Variants in GK observed in about 807,000 individuals in gnomAD.
GK encodes ATP:glycerol 3-phosphotransferase.
GK carries 9 observed loss-of-function variants against 56.4 expected under a neutral mutation model. The observed-to-expected ratio is 0.16, with a 90% CI of 0.10 to 0.28. GK has a LOEUF of 0.28. Among genes scored for constraint, GK ranks in the 10% least tolerant of loss-of-function variants. GK has a pLI of 1.00. For missense variants in GK, 161 were observed against 431.4 expected, an observed-to-expected ratio of 0.37 and a Z score of 5.55; for synonymous variants, 104 against 144.1, an observed-to-expected ratio of 0.72 and a Z score of 1.99.
intron 19 of GK, among the ~76,000 whole-genome samples, chrX:30,724,912 G>A (rs190855402): frequency 4.7e-5 from 5 of 107,153 alleles, no homozygotes; most frequent in East Asian, 2.9e-4. Context: ...ACAGAGTCTC[G>A]CTCCGTCACC....
intron 4 of GK, among the ~76,000 whole-genome samples, chrX:30,684,588 C>T (rs1934474692): frequency 1.0e-5 from 1 of 100,198 alleles, no homozygotes; most frequent in East Asian, 3.2e-4. Flanking sequence ...ATCGCTTGAA[C>T]CCGGGAGGCG....
intron 20 of GK, among the ~76,000 whole-genome samples, chrX:30,727,852 AGACT>A (rs1937206347): frequency 8.9e-6 from 1 of 111,867 alleles, no homozygotes; most frequent in Non-Finnish European, 1.9e-5. Context: ...AAGGACTTTC[AGACT>A]GACTGCTGAA....
intron 11 of GK, among the ~76,000 whole-genome samples, chrX:30,704,149 T>TA (rs1429695034): frequency 1.0e-5 from 1 of 96,716 alleles, no homozygotes; most frequent in African/African-American, 4.3e-5. Context: ...TATATATATA[T>TA]GAGATAGGGT....
At chrX:30,726,683 T>C (rs1200392196) in intron 19 of GK, among the ~76,000 whole-genome samples, 3 of 111,873 alleles carry the variant, frequency 2.7e-5, no homozygotes, top group Admixed American at 1.9e-4. Flanking sequence ...AGTAATAAAA[T>C]GCTAGTTGTA....
chrX:30,655,389 A>G (rs1932186564), intron 1 of GK, among the ~76,000 whole-genome samples: 1 of 110,638 alleles, frequency 9.0e-6, no homozygotes, highest in Non-Finnish European at 1.9e-5. Context: ...TGCAGGGACC[A>G]GGCAGGTAGA....
Position 30,707,884 on chromosome X carries a change from C to T in GK, c.895-170C>T, listed in dbSNP as rs187669587. Among the ~76,000 whole-genome samples the T allele has an allele frequency of 4.7e-3, 522 of 111,923 alleles. 1 individual carries two copies. The highest frequency in any genetic ancestry group is 7.8e-3 in the Non-Finnish European group (414 of 53,152). ...TGAAACAAGGAATAAACTTTTTATA[C>T]AGCTTAAATGTGTTCTTAATTCTGA... On this transcript the variant is annotated intron_variant, in intron 12 of 20. Coordinates refer to ENST00000427190, the MANE Select transcript of GK (RefSeq NM_001205019.2).
intron 4 of GK, among the ~76,000 whole-genome samples, chrX:30,679,119 AGCTAACTTCCTGAACTAGT>A (rs1934123850): frequency 9.0e-6 from 1 of 110,893 alleles, no homozygotes; most frequent in Admixed American, 9.7e-5. Flanking sequence ...GATCAATGTT[AGCTAACTTCCTGAACTAGT>A]TAAGGTTTTA....
intron 6 of GK, 123 bp downstream of exon 6, chrX:30,694,660 T>A: frequency 1.7e-6 from 1 of 573,221 alleles, no homozygotes; most frequent in Admixed American, 3.4e-5. Context: ...GAAAAACCAC[T>A]CAAAAAGCAA....
intron 1 of GK, among the ~76,000 whole-genome samples, chrX:30,655,446 G>A (rs1198687231): frequency 8.9e-6 from 1 of 111,913 alleles, no homozygotes; most frequent in Non-Finnish European, 1.9e-5. Flanking sequence ...GGGACAGCTA[G>A]TAGCTGCCAA....
Position 30,724,884 on chromosome X carries a change from CT to C in GK, c.1582+717del, listed in dbSNP as rs1316640340. On this transcript the variant is annotated intron_variant, in intron 19 of 20. Coordinates refer to ENST00000427190, the MANE Select transcript of GK (RefSeq NM_001205019.2). The stretch of plus-strand genomic sequence containing the variant: ...GGCAGATAATTTATTGAAGCATATA[CT>C]TTTTTTTTTTTTTGAGACAGAGTCT... 1.8e-3 allele frequency among the ~76,000 whole-genome samples: 182 copies of C among 102,731 alleles called. 1 individual carries two copies. The highest frequency in any genetic ancestry group is 7.2e-3 in the South Asian group (17 of 2,357). 89.2% of individuals were successfully genotyped at this position (102,731 alleles called of 115,157 possible). A position where few individuals can be genotyped will look rare whatever the true frequency, so the allele number is the denominator to read the frequency against.
At chrX:30,688,451 G>A (rs1458527902) in intron 4 of GK, among the ~76,000 whole-genome samples, 2 of 101,154 alleles carry the variant, frequency 2.0e-5, no homozygotes, top group Non-Finnish European at 4.0e-5. Flanking sequence ...GCAGTGAGCC[G>A]CGATCGCATC....
At chrX:30,695,599 G>A (rs763392882) in intron 6 of GK, among the ~76,000 whole-genome samples, 6 of 112,253 alleles carry the variant, frequency 5.3e-5, no homozygotes, top group Admixed American at 9.4e-5. Context: ...AGCATAATGC[G>A]AATTGTTATT....
intron 11 of GK, among the ~76,000 whole-genome samples, chrX:30,703,052 T>C (rs888873793): frequency 1.8e-5 from 2 of 112,114 alleles, no homozygotes; most frequent in African/African-American, 6.5e-5. Flanking sequence ...GAAGCAAAGC[T>C]GTTGGGTTTC....
chrX:30,678,354 C>T (rs899315607), intron 4 of GK, among the ~76,000 whole-genome samples: 1 of 111,034 alleles, frequency 9.0e-6, no homozygotes, highest in Admixed American at 9.7e-5. Context: ...TGTTGAACAC[C>T]GAATGATACT....
At chrX:30,656,413 TTTC>T (rs1276198175) in intron 1 of GK, among the ~76,000 whole-genome samples, 7 of 112,052 alleles carry the variant, frequency 6.2e-5, no homozygotes, top group East Asian at 2.8e-4. Context: ...CTCTGCAAGC[TTTC>T]TTCTTCTTTT....
At chrX:30,721,136 ATAT>A (rs1369267761) in intron 18 of GK, 141 bp downstream of exon 18, 1 of 585,960 alleles carries the variant, frequency 1.7e-6, no homozygotes, top group Non-Finnish European at 2.9e-6. Flanking sequence ...GCTGCCAAGC[ATAT>A]TGGGCTTTAC....
chrX:30,711,120 T>C (rs1219231924), intron 13 of GK, among the ~76,000 whole-genome samples: 1 of 51,948 alleles, frequency 1.9e-5, no homozygotes, highest in Non-Finnish European at 3.7e-5. Context: ...TTCCTTTTTT[T>C]CTTCTTCTTT....
chrX:30,696,274 A>G (rs1377574835), intron 7 of GK, 123 bp downstream of exon 7: 2 of 506,366 alleles, frequency 3.9e-6, no homozygotes, highest in Non-Finnish European at 7.1e-6. Flanking sequence ...CAACTACAAT[A>G]TGCAAATCTA....
intron 10 of GK, 88 bp downstream of exon 10, chrX:30,700,537 T>C: frequency 2.5e-6 from 2 of 786,837 alleles, no homozygotes; most frequent in Non-Finnish European, 3.8e-6. Flanking sequence ...TGCCTCTTTT[T>C]AAACTAGGGA....
Sources: allele counts gnomAD v4.1 joint callset (sites outside exome capture counted in the v4.1 genomes callset), GRCh38; gene constraint gnomAD v4.1.1; transcripts MANE v1.5; gene names NCBI Gene and HGNC (gene_info 2026-07-23, HGNC 2026-07-21).